AJAP1: variants seen among roughly 807,000 people sequenced by gnomAD.
The protein encoded by AJAP1 is adherens junctions associated protein 1.
A neutral mutation model predicts 35.0 loss-of-function variants in AJAP1; 5 were observed. The ratio of observed to expected loss-of-function variants is 0.14; its 90% CI spans 0.07 to 0.30. The LOEUF is 0.30. Ranked by LOEUF, AJAP1 falls within the 10% of genes least tolerant of loss-of-function variation. The probability of loss-of-function intolerance (pLI) is 1.00; values close to 1 mark genes in which losing one functional copy is unlikely to be tolerated. For missense variants in AJAP1, 586 were observed against 571.0 expected (o/e 1.03, Z -0.27); for synonymous variants, 284 against 249.3 (o/e 1.14, Z -1.31).
chr1:4,655,603 G>A lies in AJAP1; in HGVS notation c.29+149G>A. On this transcript the variant is annotated intron_variant, in intron 1 of 5. Coordinates refer to ENST00000378191, the MANE Select transcript of AJAP1 (RefSeq NM_018836.4). The surrounding 1 kb of genome is among the most constrained non-coding windows in gnomAD (Gnocchi z 6.9). Reference sequence around the variant, plus strand: ...GGTGCACCGGTAGCCGGAAAGGGGCGCCCGCCCGGAGCCTGGAGCAGCACC... The same window carrying A: ...GGTGCACCGGTAGCCGGAAAGGGGCACCCGCCCGGAGCCTGGAGCAGCACC... 3 of 988,276 alleles carry A rather than the reference G, an allele frequency of 3.0e-6. No individual in the cohort carries two copies. Among genetic ancestry groups the A allele is most frequent in the Non-Finnish European group, 4.2e-6 (3 of 714,724 alleles). 61.2% of individuals were successfully genotyped at this position (988,276 alleles called of 1,614,324 possible).
At chr1:4,668,997 A>G (rs773531433) in intron 1 of AJAP1, among the ~76,000 whole-genome samples, 1 of 152,232 alleles carries the variant, frequency 6.6e-6, no homozygotes, top group Non-Finnish European at 1.5e-5. Context: ...AGAGGGACCT[A>G]GATTCAGACA....
intron 1 of AJAP1, among the ~76,000 whole-genome samples, chr1:4,664,622 A>G (rs1382672742): frequency 1.3e-5 from 2 of 152,010 alleles, no homozygotes; most frequent in African/African-American, 4.8e-5. Flanking sequence ...GAAGAAAGAG[A>G]ATGGACCCAG....
At chr1:4,663,821 A>G (rs1639056482) in intron 1 of AJAP1, among the ~76,000 whole-genome samples, 1 of 152,128 alleles carries the variant, frequency 6.6e-6, no homozygotes, top group South Asian at 2.1e-4. Context: ...ATTTAGAGAG[A>G]GAAAAGTGCC....
At chr1:4,731,326 C>G (rs920219670) in intron 2 of AJAP1, among the ~76,000 whole-genome samples, 1 of 152,218 alleles carries the variant, frequency 6.6e-6, no homozygotes, top group African/African-American at 2.4e-5. Flanking sequence ...GGTGATCCAC[C>G]TGCCTCAGCC....
At chr1:4,676,920 G>A (rs905307998) in intron 1 of AJAP1, among the ~76,000 whole-genome samples, 31 of 152,346 alleles carry the variant, frequency 2.0e-4, no homozygotes, top group African/African-American at 7.0e-4. Context: ...ACTTTGGGAG[G>A]CCGAGGCAGG....
rs1468902053 is a variant in AJAP1, at chr1:4,655,249, A to T, written c.-177A>T. ...CAACGGCGGCGGCGCGCCGGCCGGC[A>T]TGGAGCCCCGCGCGGCCGCGCTCTG... is the stretch of plus-strand genomic sequence containing the variant. On this transcript the variant is annotated 5_prime_UTR_variant, in exon 1 of 6. An upstream start codon of the reference 5' UTR is lost. Coordinates refer to ENST00000378191, the MANE Select transcript of AJAP1 (RefSeq NM_018836.4). This position sits in a 1 kb window ranked among gnomAD's most constrained non-coding sequence, Gnocchi z 6.9. 4.6e-6 allele frequency: 1 copy of T among 216,128 alleles called. No individual in the cohort carries two copies. The highest frequency in any genetic ancestry group is 7.9e-6 in the Non-Finnish European group (1 of 127,232). The allele number at this position is 216,128 out of a possible 1,614,324, so 13.4% of individuals were successfully genotyped here.
chr1:4,714,272 C>T (rs1640337868), intron 2 of AJAP1, among the ~76,000 whole-genome samples: 1 of 152,172 alleles, frequency 6.6e-6, no homozygotes, highest in South Asian at 2.1e-4. Flanking sequence ...GGTCCTGCAT[C>T]GGCTTCCTCC....
chr1:4,664,284 A>C (rs1021785223), intron 1 of AJAP1, among the ~76,000 whole-genome samples: 1 of 152,232 alleles, frequency 6.6e-6, no homozygotes. Flanking sequence ...TACAGCATCC[A>C]CCAGGCTGGG....
intron 1 of AJAP1, among the ~76,000 whole-genome samples, chr1:4,694,198 T>C (rs1367544664): frequency 6.9e-6 from 1 of 145,072 alleles, no homozygotes; most frequent in African/African-American, 2.6e-5. Flanking sequence ...ACCCACTTCA[T>C]GCCCTCAGCT....
intron 1 of AJAP1, among the ~76,000 whole-genome samples, chr1:4,658,794 G>A (rs1638938660): frequency 6.6e-6 from 1 of 152,190 alleles, no homozygotes; most frequent in African/African-American, 2.4e-5. Context: ...CATTGGAGAG[G>A]GGAGCAGGGC....
At chr1:4,767,328 CATT>C (rs1241003944) in intron 2 of AJAP1, among the ~76,000 whole-genome samples, 5 of 151,962 alleles carry the variant, frequency 3.3e-5, no homozygotes, top group African/African-American at 9.7e-5. Context: ...CCATCACTAT[CATT>C]ATTACCATCA....
chr1:4,763,365 G>C (rs1384367267), intron 2 of AJAP1, among the ~76,000 whole-genome samples: 1 of 152,190 alleles, frequency 6.6e-6, no homozygotes, highest in East Asian at 1.9e-4. Flanking sequence ...GGGGAGTTCT[G>C]TTTCTGTAGC....
rs114650028 is a variant in AJAP1, at chr1:4,707,974, G to T, written c.30-3926G>T. Among the ~76,000 whole-genome samples, 900 of 134,730 alleles carry T rather than the reference G, an allele frequency of 6.7e-3. 12 individuals are homozygous for T. The highest frequency in any genetic ancestry group is 0.022 in the African/African-American group (790 of 35,852). The allele number at this position is 134,730 out of a possible 152,430, so 88.4% of individuals were successfully genotyped here. On this transcript the variant is annotated intron_variant, in intron 1 of 5. Coordinates refer to ENST00000378191, the MANE Select transcript of AJAP1 (RefSeq NM_018836.4). ...GATGTGGGCGGTACGTTTTTTTTTT[G>T]TTTTTTTTTTTTGAGACGCAGTCTC...
In AJAP1 at chr1:4,654,997, G is replaced by T. The variant is rs2100495312; in HGVS notation, c.-429G>T. 6.7e-6 allele frequency: 1 copy of T among 150,336 alleles called. No individual in the cohort carries two copies. The highest frequency in any genetic ancestry group is 1.5e-5 in the Non-Finnish European group (1 of 67,384). 9.3% of individuals were successfully genotyped at this position (150,336 alleles called of 1,614,324 possible). A position where few individuals can be genotyped will look rare whatever the true frequency, so the allele number is the denominator to read the frequency against. On this transcript the variant is annotated 5_prime_UTR_variant, in exon 1 of 6. Coordinates refer to ENST00000378191, the MANE Select transcript of AJAP1 (RefSeq NM_018836.4). This position sits in a 1 kb window ranked among gnomAD's most constrained non-coding sequence, Gnocchi z 5.1. ...AGCTCCGGCTGGAGGCAAGAGCCGC[G>T]CGCCGGGAGACACGCACCGTGAGCG...
intron 2 of AJAP1, among the ~76,000 whole-genome samples, chr1:4,747,577 G>A (rs547585542): frequency 2.1e-4 from 32 of 152,256 alleles, no homozygotes; most frequent in African/African-American, 6.5e-4. Context: ...TCTACCTGAC[G>A]TGCAAAACCT....
At chr1:4,768,162 G>T (rs1453984206) in intron 2 of AJAP1, among the ~76,000 whole-genome samples, 2 of 152,376 alleles carry the variant, frequency 1.3e-5, no homozygotes, top group Non-Finnish European at 2.9e-5. Context: ...AATGAATGCA[G>T]CACCTTTATT....
At position 4,693,877 on chromosome 1, in the gene AJAP1, C is replaced by T. The variant is rs1422290826; in HGVS notation, c.30-18023C>T. On this transcript the variant is annotated intron_variant, in intron 1 of 5. Coordinates refer to ENST00000378191, the MANE Select transcript of AJAP1 (RefSeq NM_018836.4). This position sits in a 1 kb window ranked among gnomAD's most constrained non-coding sequence, Gnocchi z 4.4. ...ATTCAGCCATTCAAGGGGGCAGAGC[C>T]TTCAGGGCCCCCTCACCTCTTACAG... 6.6e-6 allele frequency among the ~76,000 whole-genome samples: 1 copy of T among 152,302 alleles called. No individual in the cohort carries two copies. Among genetic ancestry groups the T allele is most frequent in the South Asian group, 2.1e-4 (1 of 4,832 alleles).
At chr1:4,730,176 G>A (rs868243720) in intron 2 of AJAP1, among the ~76,000 whole-genome samples, 6 of 152,298 alleles carry the variant, frequency 3.9e-5, no homozygotes, top group Non-Finnish European at 4.4e-5. Flanking sequence ...GGAAGTTTCC[G>A]GAAGATTTCC....
At chr1:4,707,964 T>G (rs968142462) in intron 1 of AJAP1, among the ~76,000 whole-genome samples, 3 of 122,518 alleles carry the variant, frequency 2.4e-5, no homozygotes, top group Non-Finnish European at 3.3e-5. Flanking sequence ...GGGCGGTACG[T>G]TTTTTTTTTG....
Sources: gnomAD v4.1 joint callset for allele counts (sites outside exome capture counted in the v4.1 genomes callset) on GRCh38, gnomAD v4.1.1 for gene constraint, Gnocchi (gnomAD v3.1) non-coding constraint, MANE v1.5 for transcripts, NCBI Gene and HGNC (gene_info 2026-07-23, HGNC 2026-07-21) for gene names.